ZNF611: variants seen among roughly 807,000 people sequenced by gnomAD.
ZNF611 encodes zinc finger protein 611.
ZNF611 carries 6 observed loss-of-function variants against 8.9 expected under a neutral mutation model. The observed-to-expected ratio is 0.68, with a 90% CI of 0.37 to 1.34. The LOEUF (loss-of-function observed/expected upper bound fraction) is 1.34. Among genes scored for constraint, ZNF611 ranks in the 40% most tolerant of loss-of-function variants. The pLI, the probability that ZNF611 is intolerant of heterozygous loss-of-function variation, is 0.02. For synonymous variants in ZNF611, 262 were observed against 279.7 expected (o/e 0.94, Z 0.63); for missense variants, 874 against 841.3 (o/e 1.04, Z -0.48).
intron 3 of ZNF611, among the ~76,000 whole-genome samples, chr19:52,727,090 T>C (rs2062398092): frequency 6.6e-6 from 1 of 152,030 alleles, no homozygotes; most frequent in South Asian, 2.1e-4. Flanking sequence ...GGTCTAGAAC[T>C]CCTGACTTCA....
Position 52,705,898 on chromosome 19 carries a change from T to C in ZNF611, c.1157A>G (p.Glu386Gly). Reference sequence around the variant, plus strand: ...TCCAGTATGAATTCTCTTATGTGTCTCAATGGTTGATTTCCGACTGAAAAC... The same window carrying C: ...TCCAGTATGAATTCTCTTATGTGTCCCAATGGTTGATTTCCGACTGAAAAC... ...DKVFSRKSTI[E>G]THKRIHTGEK... The change falls in exon 6 of 6, where the codon GAG becomes GGG. Residue 386 changes from glutamate to glycine, a missense_variant. Glu to Gly is a moderately conservative substitution (Grantham distance 98). Transcript: ENST00000652185. 6.2e-7 allele frequency: 1 copy of C among 1,614,128 alleles called. No individual in the cohort carries two copies. The highest frequency in any genetic ancestry group is 8.5e-7 in the Non-Finnish European group (1 of 1,180,020).
At chr19:52,710,634 G>A (rs1162407617) in intron 5 of ZNF611, among the ~76,000 whole-genome samples, 4 of 152,092 alleles carry the variant, frequency 2.6e-5, no homozygotes, top group African/African-American at 9.7e-5. Flanking sequence ...CAAAGTGCTG[G>A]AATTAGAGGC....
Position 52,704,813 on chromosome 19 carries a change from G to A in ZNF611, c.*124C>T. 1 of 1,598,482 alleles carries A rather than the reference G, an allele frequency of 6.3e-7. No individual in the cohort carries two copies. The highest frequency in any genetic ancestry group is 1.1e-5 in the South Asian group (1 of 90,474). ...GTGTGAAGTCCAGTATGTTGTTCCA[G>A]GTGTGAATCACTCCCAAGTCTTGTC... On this transcript the variant is annotated 3_prime_UTR_variant, in exon 6 of 6. Transcript: ENST00000652185.
chr19:52,718,454 G>A (rs138460509), intron 3 of ZNF611, among the ~76,000 whole-genome samples: 2,273 of 151,954 alleles, frequency 0.015, 21 homozygotes, highest in Middle Eastern at 0.024. Context: ...GCACTGAGCT[G>A]TGATCCTGCC....
In ZNF611 at chr19:52,704,078, T is replaced by C. The variant is rs2062223177; in HGVS notation, c.*859A>G. ...CAAACTCCTGACCTCAAGTGACCTA[T>C]GTGCCTTGGCCTCCCGACGTGCTGG... On this transcript the variant is annotated 3_prime_UTR_variant, in exon 6 of 6. Coordinates refer to ENST00000652185, the MANE Select transcript of ZNF611 (RefSeq NM_001161499.2). The C allele has an allele frequency of 4.1e-6, 1 of 243,654 alleles. No individual in the cohort carries two copies. Among genetic ancestry groups the C allele is most frequent in the Non-Finnish European group, 8.3e-6 (1 of 120,774 alleles). The allele number at this position is 243,654 out of a possible 1,614,324, so 15.1% of individuals were successfully genotyped here.
intron 1 of ZNF611, among the ~76,000 whole-genome samples, chr19:52,733,869 C>T (rs1333070188): frequency 1.3e-5 from 2 of 152,000 alleles, no homozygotes; most frequent in Non-Finnish European, 2.9e-5. Context: ...CCATCTATTT[C>T]TGCCTCTTCT....
chr19:52,725,491 T>C (rs1183273831), intron 3 of ZNF611, among the ~76,000 whole-genome samples: 1 of 152,180 alleles, frequency 6.6e-6, no homozygotes. Context: ...AACTATGCGA[T>C]AGGAAGTGTA....
intron 3 of ZNF611, among the ~76,000 whole-genome samples, chr19:52,718,376 G>A (rs1009792416): frequency 7.2e-5 from 11 of 152,128 alleles, no homozygotes; most frequent in African/African-American, 1.7e-4. Context: ...CTGGTGGGGC[G>A]TGCCTGTGGT....
At position 52,704,897 on chromosome 19, in the gene ZNF611, G is replaced by T. The variant is rs368741795; in HGVS notation, c.*40C>A. 8 of 1,611,564 alleles carry T rather than the reference G, an allele frequency of 5.0e-6. No individual in the cohort carries two copies. Among genetic ancestry groups the T allele is most frequent in the Non-Finnish European group, 5.9e-6 (7 of 1,178,850 alleles). On this transcript the variant is annotated 3_prime_UTR_variant, in exon 6 of 6. Transcript: ENST00000652185. The stretch of plus-strand genomic sequence containing the variant: ...ATAAATTCTCCTATGTCTTTAAGGT[G>T]TGATTTCCAAATGGAAACTTTGTCA...
rs1329955740 is a variant in ZNF611, at chr19:52,714,281, A to AT, written c.64-141dup. On this transcript the variant is annotated intron_variant, in intron 4 of 5. Coordinates refer to ENST00000652185, the MANE Select transcript of ZNF611 (RefSeq NM_001161499.2). ...AAAGGATGTTAAGGTATTTTTGAAT[A>AT]TTTTTTCCCTATAGTTGCGTTTTAT... The AT allele has an allele frequency of 1.4e-5, 20 of 1,470,152 alleles. No homozygotes were observed. The African/African-American group carries it at 2.4e-4, about 18-fold the overall frequency. The allele number at this position is 1,470,152 out of a possible 1,614,324, so 91.1% of individuals were successfully genotyped here.
intron 3 of ZNF611, among the ~76,000 whole-genome samples, chr19:52,725,370 T>G (rs933839928): frequency 1.3e-5 from 2 of 152,038 alleles, no homozygotes; most frequent in African/African-American, 2.4e-5. Flanking sequence ...GGCGCTGCGC[T>G]CCAGGGGAGG....
rs368295586 is a variant in ZNF611 at position 52,733,727 on chromosome 19, A to G, written c.-222+1274T>C. On this transcript the variant is annotated intron_variant, in intron 1 of 5. Coordinates refer to ENST00000652185, the MANE Select transcript of ZNF611 (RefSeq NM_001161499.2). ...CCTGGGATTCTGCTCTTCATTTTGT[A>G]CCCCTCTCCTCTCCTGCTATTCATC... Among the ~76,000 whole-genome samples the G allele has an allele frequency of 1.2e-3, 170 of 143,972 alleles. 1 individual carries two copies. Among genetic ancestry groups the G allele is most frequent in the South Asian group, 9.1e-3 (41 of 4,496 alleles). 94.5% of individuals were successfully genotyped at this position (143,972 alleles called of 152,430 possible).
At position 52,704,870 on chromosome 19, in the gene ZNF611, G is replaced by A; in HGVS notation, c.*67C>T. On this transcript the variant is annotated 3_prime_UTR_variant, in exon 6 of 6. Transcript: ENST00000652185. ...CTTACATTTGTAAGCTTTCTCTCCAGTATAAATTCTCCTATGTCTTTAAGG... is the reference window on the plus strand; with the variant it reads ...CTTACATTTGTAAGCTTTCTCTCCAATATAAATTCTCCTATGTCTTTAAGG... 1.2e-6 allele frequency: 2 copies of A among 1,608,470 alleles called. No homozygotes were observed. The highest frequency in any genetic ancestry group is 1.1e-5 in the South Asian group (1 of 90,276).
intron 5 of ZNF611, among the ~76,000 whole-genome samples, chr19:52,707,824 G>A (rs530834806): frequency 6.6e-6 from 1 of 151,632 alleles, no homozygotes; most frequent in South Asian, 2.1e-4. Context: ...TAGTAAAGAT[G>A]GGGACCATAT....
At chr19:52,710,570 T>G (rs1189011537) in intron 5 of ZNF611, among the ~76,000 whole-genome samples, 1 of 152,116 alleles carries the variant, frequency 6.6e-6, no homozygotes, top group East Asian at 1.9e-4. Flanking sequence ...TCATTATGTT[T>G]GCCCGACTGG....
At position 52,705,388 on chromosome 19, in the gene ZNF611, T is replaced by A; in HGVS notation, c.1667A>T (p.His556Leu). 1 of 1,614,134 alleles carries A rather than the reference T, an allele frequency of 6.2e-7. No homozygotes were observed. The highest frequency in any genetic ancestry group is 1.1e-5 in the South Asian group (1 of 91,078). Residue 556 changes from histidine (H) to leucine (L), a missense_variant, in exon 6 of 6, where the codon CAT (histidine) becomes CTT (leucine). Coordinates refer to ENST00000652185, the MANE Select transcript of ZNF611 (RefSeq NM_001161499.2). ...AFACHSYLAK[H>L]TRIHSGEKPY... The stretch of plus-strand genomic sequence containing the variant: ...TTTCTCTCCACTATGAATTCTAGTA[T>A]GTTTTGCCAGATAGGAATGACACGC...
chr19:52,731,895 T>C lies in ZNF611; in HGVS notation c.-221-1890A>G, dbSNP rs180817575. ...CTGAGGCAGTAGAATCGCTTGATGCTAGGAAGCCAAGGTTGTGGTGAGCTG... is the reference window on the plus strand; with the variant it reads ...CTGAGGCAGTAGAATCGCTTGATGCCAGGAAGCCAAGGTTGTGGTGAGCTG... On this transcript the variant is annotated intron_variant, in intron 1 of 5. Coordinates refer to ENST00000652185, the MANE Select transcript of ZNF611 (RefSeq NM_001161499.2). 1.3e-3 allele frequency among the ~76,000 whole-genome samples: 192 copies of C among 150,438 alleles called. 2 individuals carry two copies. The highest frequency in any genetic ancestry group is 3.1e-4 in the Non-Finnish European group (21 of 67,286).
Position 52,705,745 on chromosome 19 carries a change from T to G in ZNF611, c.1310A>C (p.His437Pro). The change falls in exon 6 of 6, where the codon CAC (histidine) becomes CCC (proline). Residue 437 changes from histidine (H) to proline (P), a missense_variant. His to Pro is a moderately conservative substitution (Grantham distance 77). Coordinates refer to ENST00000652185, the MANE Select transcript of ZNF611 (RefSeq NM_001161499.2). ...ATGATGGCATACAAGGGATGACTTG[T>G]GACTGAAGGTCTTGCCACACTCATT... is the stretch of plus-strand genomic sequence containing the variant. ...KCNECGKTFS[H>P]KSSLVCHHRL... is the part of the protein sequence containing the mutation. The G allele has an allele frequency of 6.2e-7, 1 of 1,614,128 alleles. No individual in the cohort carries two copies. Among genetic ancestry groups the G allele is most frequent in the Non-Finnish European group, 8.5e-7 (1 of 1,179,972 alleles).
rs1229788446 is a variant in ZNF611, at chr19:52,731,200, GA to G, written c.-221-1196del. Among the ~76,000 whole-genome samples the G allele has an allele frequency of 7.9e-5, 12 of 152,196 alleles. No homozygotes were observed. The East Asian group carries it at 2.3e-3, about 30-fold the overall frequency. On this transcript the variant is annotated intron_variant, in intron 1 of 5. Transcript: ENST00000652185. ...TCCTGCCTCAGCCTCCAGAGTAGCTGAAATTAGAGGCGTGTGCCACCACGCT... is the reference window on the plus strand; with the variant it reads ...TCCTGCCTCAGCCTCCAGAGTAGCTGAATTAGAGGCGTGTGCCACCACGCT...
Sources: allele counts gnomAD v4.1 joint callset (sites outside exome capture counted in the v4.1 genomes callset), GRCh38; gene constraint gnomAD v4.1.1; transcripts MANE v1.5; gene names NCBI Gene and HGNC (gene_info 2026-07-23, HGNC 2026-07-21).